GPC6: variants seen among roughly 807,000 people sequenced by gnomAD.
The protein encoded by GPC6 is glypican 6.
GPC6 carries 14 observed loss-of-function variants against 55.2 expected under a neutral mutation model. That is an observed-to-expected ratio of 0.25 (90% CI 0.17 to 0.40). The LOEUF is 0.40. Ranked by LOEUF, GPC6 falls within the 10% of genes least tolerant of loss-of-function variation. The pLI is 1.00. For missense variants in GPC6, 641 were observed against 708.5 expected (o/e 0.90, Z 1.08); for synonymous variants, 278 against 259.6 (o/e 1.07, Z -0.68).
intron 2 of GPC6, among the ~76,000 whole-genome samples, chr13:93,594,457 A>G (rs2071871265): frequency 1.3e-5 from 2 of 152,102 alleles, no homozygotes; most frequent in Admixed American, 1.3e-4. Flanking sequence ...AGTATAACTC[A>G]TTTTTATATT....
intron 1 of GPC6, among the ~76,000 whole-genome samples, chr13:93,464,895 C>T (rs1173486151): frequency 6.6e-6 from 1 of 152,112 alleles, no homozygotes; most frequent in Non-Finnish European, 1.5e-5. Context: ...GTTGAAATGA[C>T]TCATTGATCT....
At chr13:93,525,646 A>G (rs1430686771) in intron 1 of GPC6, among the ~76,000 whole-genome samples, 1 of 152,006 alleles carries the variant, frequency 6.6e-6, no homozygotes, top group Non-Finnish European at 1.5e-5. Flanking sequence ...CTTTTTATTC[A>G]CCAACCTTAA....
chr13:93,534,282 A>C (rs775847016), intron 1 of GPC6, among the ~76,000 whole-genome samples: 2 of 152,048 alleles, frequency 1.3e-5, no homozygotes, highest in Non-Finnish European at 2.9e-5. Flanking sequence ...CTTTCTATCT[A>C]CTTCCTAGGA....
At chr13:93,492,606 CA>C (rs1880065598) in intron 1 of GPC6, among the ~76,000 whole-genome samples, 2 of 149,156 alleles carry the variant, frequency 1.3e-5, no homozygotes, top group South Asian at 4.3e-4. Context: ...TGCCAGTTTT[CA>C]AAGGGAATGC....
chr13:93,839,695 G>T (rs1887879002), intron 3 of GPC6, among the ~76,000 whole-genome samples: 1 of 152,000 alleles, frequency 6.6e-6, no homozygotes, highest in Non-Finnish European at 1.5e-5. Context: ...CTCTTTTATT[G>T]TCCCGTCTTC....
In GPC6 at chr13:93,923,340, G is replaced by T. The variant is rs188865866; in HGVS notation, c.711+92795G>T. ...TAATTGTTCGGGGAAAAGGGCAGCTGTTTCCTCCTCATATCCACCTGCTGA... is the reference window on the plus strand; with the variant it reads ...TAATTGTTCGGGGAAAAGGGCAGCTTTTTCCTCCTCATATCCACCTGCTGA... On this transcript the variant is annotated intron_variant, in intron 3 of 8. Transcript: ENST00000377047. Among the ~76,000 whole-genome samples the T allele has an allele frequency of 4.6e-5, 7 of 152,306 alleles. No homozygotes were observed. In the East Asian group the frequency reaches 1.4e-3, roughly 29 times the overall value.
chr13:93,663,856 AG>A (rs1432834101), intron 2 of GPC6, among the ~76,000 whole-genome samples: 2 of 152,182 alleles, frequency 1.3e-5, no homozygotes, highest in Non-Finnish European at 2.9e-5. Context: ...TACCTGCAAA[AG>A]AAGTAGCTGA....
chr13:93,424,201 C>G (rs1185717764), intron 1 of GPC6, among the ~76,000 whole-genome samples: 1 of 152,192 alleles, frequency 6.6e-6, no homozygotes, highest in East Asian at 1.9e-4. Flanking sequence ...ATAGTTGCCA[C>G]GAGGCCCTCA....
intron 3 of GPC6, among the ~76,000 whole-genome samples, chr13:93,945,803 G>T (rs1878980589): frequency 2.0e-5 from 3 of 152,142 alleles, no homozygotes; most frequent in Admixed American, 2.0e-4. Flanking sequence ...CCTGTCTGTG[G>T]TTGTAATTGA....
intron 4 of GPC6, among the ~76,000 whole-genome samples, chr13:94,247,799 G>T (rs1411048729): frequency 2.0e-5 from 3 of 151,870 alleles, no homozygotes; most frequent in Non-Finnish European, 2.9e-5. Context: ...AGAGATATTG[G>T]CCTGTTGTTT....
chr13:93,605,663 C>T (rs1313746478), intron 2 of GPC6, among the ~76,000 whole-genome samples: 3 of 150,514 alleles, frequency 2.0e-5, no homozygotes, highest in Non-Finnish European at 4.4e-5. Flanking sequence ...ATGGTGAAAT[C>T]CTGTCTCTAC....
At position 94,403,529 on chromosome 13, in the gene GPC6, C is replaced by T. The variant is rs978234438; in HGVS notation, c.*312C>T. 3.0e-6 allele frequency: 1 copy of T among 337,166 alleles called. No homozygotes were observed. Among genetic ancestry groups the T allele is most frequent in the African/African-American group, 2.2e-5 (1 of 45,938 alleles). 20.9% of individuals were successfully genotyped at this position (337,166 alleles called of 1,614,324 possible). A position where few individuals can be genotyped will look rare whatever the true frequency, so the allele number is the denominator to read the frequency against. ...TTATGCTGCAGAAGTAAAGGAATCT[C>T]ACGTTGTGAGGGTTTTTTTTTTCTC... On this transcript the variant is annotated 3_prime_UTR_variant, in exon 9 of 9. Coordinates refer to ENST00000377047, the MANE Select transcript of GPC6 (RefSeq NM_005708.5).
intron 6 of GPC6, among the ~76,000 whole-genome samples, chr13:94,314,714 G>C (rs1876430311): frequency 6.6e-6 from 1 of 152,150 alleles, no homozygotes; most frequent in South Asian, 2.1e-4. Flanking sequence ...TGAGATATTT[G>C]CACCACAACT....
chr13:93,617,259 A>G (rs1195756329), intron 2 of GPC6, among the ~76,000 whole-genome samples: 1 of 152,116 alleles, frequency 6.6e-6, no homozygotes, highest in Non-Finnish European at 1.5e-5. Flanking sequence ...TAGAAGGAAT[A>G]TTAGATATAT....
chr13:93,489,974 G>A (rs1344707816), intron 1 of GPC6, among the ~76,000 whole-genome samples: 2 of 151,104 alleles, frequency 1.3e-5, no homozygotes. Flanking sequence ...TCTCCTGCCT[G>A]ATGGCCCTGG....
intron 1 of GPC6, among the ~76,000 whole-genome samples, chr13:93,244,618 A>T (rs569296483): frequency 6.6e-6 from 1 of 152,122 alleles, no homozygotes; most frequent in Non-Finnish European, 1.5e-5. Context: ...CTGCTCCCCA[A>T]ATCAGCTCTA....
chr13:93,526,049 G>T (rs1328705480), intron 1 of GPC6, among the ~76,000 whole-genome samples: 1 of 152,040 alleles, frequency 6.6e-6, no homozygotes, highest in African/African-American at 2.4e-5. Context: ...ATCTTGCCAT[G>T]AATTATATCT....
intron 4 of GPC6, among the ~76,000 whole-genome samples, chr13:94,197,730 A>C (rs796994223): frequency 5.9e-5 from 9 of 152,346 alleles, no homozygotes; most frequent in African/African-American, 1.9e-4. Context: ...ATAACTAAGA[A>C]CAAAAGATAG....
At chr13:93,978,441 A>C (rs911263654) in intron 3 of GPC6, among the ~76,000 whole-genome samples, 2 of 152,190 alleles carry the variant, frequency 1.3e-5, no homozygotes, top group Non-Finnish European at 2.9e-5. Context: ...CCATTTTAGT[A>C]GTTCTCAATA....
Sources: allele counts gnomAD v4.1 joint callset (sites outside exome capture counted in the v4.1 genomes callset), GRCh38; gene constraint gnomAD v4.1.1; transcripts MANE v1.5; gene names NCBI Gene and HGNC (gene_info 2026-07-23, HGNC 2026-07-21).